DDAH1: variants seen among roughly 807,000 people sequenced by gnomAD.
DDAH1 encodes the protein dimethylarginine dimethylaminohydrolase 1, also known as N(G),N(G)-dimethylarginine dimethylaminohydrolase 1.
Under a neutral mutation model 28.8 loss-of-function variants are expected in DDAH1, and 19 were observed. That is an observed-to-expected ratio of 0.66 (90% CI 0.46 to 0.97). The LOEUF is 0.97. Among genes scored for constraint, DDAH1 ranks in the 50% least tolerant of loss-of-function variants. The probability of loss-of-function intolerance (pLI) is 0.00; values close to 1 mark genes in which losing one functional copy is unlikely to be tolerated. For missense variants in DDAH1, 326 were observed against 375.9 expected, an observed-to-expected ratio of 0.87 and a Z score of 1.10; for synonymous variants, 153 against 154.4, an observed-to-expected ratio of 0.99 and a Z score of 0.07.
chr1:85,458,424 C>CTTT (rs3058826), intron 1 of DDAH1, among the ~76,000 whole-genome samples: 7 of 101,770 alleles, frequency 6.9e-5, no homozygotes, highest in Middle Eastern at 5.3e-3. Context: ...TACACACACA[C>CTTT]TTTTTTTTTT....
chr1:85,490,170 T>C (rs984909414), intron 2 of DDAH1, among the ~76,000 whole-genome samples: 5 of 152,186 alleles, frequency 3.3e-5, no homozygotes, highest in African/African-American at 9.6e-5. Context: ...GGAATACCTC[T>C]AATTTTGAGA....
rs757019681 is a variant in DDAH1 at position 85,404,437 on chromosome 1, C to T, written c.304-45590G>A. 129 of 1,531,816 alleles carry T rather than the reference C, an allele frequency of 8.4e-5. No homozygotes were observed. In the Middle Eastern group the frequency reaches 2.2e-3, roughly 26 times the overall value. 94.9% of individuals were successfully genotyped at this position (1,531,816 alleles called of 1,614,324 possible). On this transcript the variant is annotated intron_variant, in intron 1 of 5. Coordinates refer to ENST00000284031, the MANE Select transcript of DDAH1 (RefSeq NM_012137.4). Reference sequence around the variant, plus strand: ...AACTGCTTTTGGGAAGCAGTTCCTCCGCAATCTTTTCAACAGATTCCCTGT... The same window carrying T: ...AACTGCTTTTGGGAAGCAGTTCCTCTGCAATCTTTTCAACAGATTCCCTGT...
chr1:85,337,096 CA>C (rs1648179220), intron 4 of DDAH1, among the ~76,000 whole-genome samples: 1 of 152,192 alleles, frequency 6.6e-6, no homozygotes, highest in Admixed American at 6.5e-5. Flanking sequence ...GAATGAAGGA[CA>C]AAAACCATAT....
intron 1 of DDAH1, among the ~76,000 whole-genome samples, chr1:85,359,699 A>T (rs1649682954): frequency 6.6e-6 from 1 of 152,246 alleles, no homozygotes. Flanking sequence ...ATGATTACCC[A>T]TCTTTTAAAA....
At chr1:85,341,468 T>C (rs1215497402) in intron 4 of DDAH1, among the ~76,000 whole-genome samples, 1 of 152,256 alleles carries the variant, frequency 6.6e-6, no homozygotes, top group Non-Finnish European at 1.5e-5. Context: ...AGTTGGAATC[T>C]TTCTGTGGTT....
At chr1:85,377,972 A>G (rs1347268885) in intron 1 of DDAH1, among the ~76,000 whole-genome samples, 1 of 152,206 alleles carries the variant, frequency 6.6e-6, no homozygotes, top group African/African-American at 2.4e-5. Flanking sequence ...TGTCATATGA[A>G]TAAAGTTTTC....
chr1:85,491,528 A>ACTGGAAAC (rs1433773401), intron 2 of DDAH1, among the ~76,000 whole-genome samples: 2 of 152,182 alleles, frequency 1.3e-5, no homozygotes, highest in African/African-American at 4.8e-5. Context: ...TGCAAAGAGA[A>ACTGGAAAC]CTGGAAACAT....
Position 85,567,574 on chromosome 1 carries a change from T to C in DDAH1, c.-123+10410A>G, listed in dbSNP as rs1659339456. On this transcript the variant is annotated intron_variant, in intron 1 of 6. Coordinates refer to the DDAH1 transcript ENST00000426972. Reference sequence around the variant, plus strand: ...CAATAAACTTCTTTCTTTTTTAAATTGCCCAGTCTCAGGTATGTCTTTATC... The same window carrying C: ...CAATAAACTTCTTTCTTTTTTAAATCGCCCAGTCTCAGGTATGTCTTTATC... Among the ~76,000 whole-genome samples, 4 of 152,194 alleles carry C rather than the reference T, an allele frequency of 2.6e-5. No individual in the cohort carries two copies. In the South Asian group the frequency reaches 8.3e-4, roughly 31 times the overall value.
chr1:85,420,843 T>C (rs1653109450), intron 1 of DDAH1, among the ~76,000 whole-genome samples: 1 of 152,224 alleles, frequency 6.6e-6, no homozygotes, highest in South Asian at 2.1e-4. Context: ...TGTTAGACCA[T>C]TCCCACATTG....
intron 2 of DDAH1, among the ~76,000 whole-genome samples, chr1:85,358,520 A>T (rs1478602846): frequency 6.6e-6 from 1 of 152,090 alleles, no homozygotes; most frequent in Non-Finnish European, 1.5e-5. Context: ...ATGGTGGCAC[A>T]CACCTGTAAT....
intron 1 of DDAH1, among the ~76,000 whole-genome samples, chr1:85,442,798 CAT>C (rs1483609499): frequency 2.6e-5 from 4 of 152,072 alleles, no homozygotes; most frequent in African/African-American, 4.8e-5. Flanking sequence ...AGCATTTTTT[CAT>C]ATGTCTGTTG....
intron 4 of DDAH1, among the ~76,000 whole-genome samples, chr1:85,347,175 C>A (rs564392741): frequency 2.7e-4 from 41 of 150,046 alleles, no homozygotes; most frequent in Non-Finnish European, 4.6e-4. Flanking sequence ...GTGGGACTGT[C>A]AACTAGTTCA....
intron 1 of DDAH1, among the ~76,000 whole-genome samples, chr1:85,496,495 C>T (rs1257025387): frequency 6.6e-6 from 1 of 152,218 alleles, no homozygotes; most frequent in Non-Finnish European, 1.5e-5. Flanking sequence ...GTTTACCCCT[C>T]AAGACCTACA....
At chr1:85,527,658 A>G (rs1657921831) in intron 1 of DDAH1, among the ~76,000 whole-genome samples, 1 of 152,342 alleles carries the variant, frequency 6.6e-6, no homozygotes, top group East Asian at 1.9e-4. Flanking sequence ...GGTAGGTACT[A>G]TATAAGTAGG....
intron 1 of DDAH1, among the ~76,000 whole-genome samples, chr1:85,527,909 G>A (rs1265206755): frequency 1.2e-4 from 19 of 152,082 alleles, no homozygotes; most frequent in Non-Finnish European, 8.8e-5. Flanking sequence ...CTGTATGCAT[G>A]TACGTATACA....
intron 4 of DDAH1, among the ~76,000 whole-genome samples, chr1:85,325,969 T>G (rs1012585950): frequency 1.3e-5 from 2 of 152,234 alleles, no homozygotes; most frequent in African/African-American, 4.8e-5. Context: ...ACCTTTATGG[T>G]CCCATTTACT....
chr1:85,343,639 C>A (rs927760557), intron 4 of DDAH1, among the ~76,000 whole-genome samples: 5 of 152,174 alleles, frequency 3.3e-5, no homozygotes, highest in Non-Finnish European at 7.3e-5. Flanking sequence ...CCTGTGACAA[C>A]AATAACTAAA....
At position 85,379,508 on chromosome 1, in the gene DDAH1, C is replaced by T. The variant is rs1398211977; in HGVS notation, c.304-20661G>A. On this transcript the variant is annotated intron_variant, in intron 1 of 5. Coordinates refer to ENST00000284031, the MANE Select transcript of DDAH1 (RefSeq NM_012137.4). ...TAAAATTCTAAATTAAAAATATTTCCAAAGGCAAATTTCAAAAAGCTTTTT... is the reference window on the plus strand; with the variant it reads ...TAAAATTCTAAATTAAAAATATTTCTAAAGGCAAATTTCAAAAAGCTTTTT... The T allele has an allele frequency of 3.6e-6, 3 of 834,686 alleles. No individual in the cohort carries two copies. In the East Asian group the frequency reaches 3.7e-4, roughly 103 times the overall value. The allele number at this position is 834,686 out of a possible 1,614,324, so 51.7% of individuals were successfully genotyped here. A position where few individuals can be genotyped will look rare whatever the true frequency, so the allele number is the denominator to read the frequency against.
intron 5 of DDAH1, among the ~76,000 whole-genome samples, chr1:85,322,465 C>T (rs1661390904): frequency 2.0e-5 from 3 of 152,298 alleles, no homozygotes; most frequent in Middle Eastern, 3.4e-3. Context: ...AACAGAATCA[C>T]TTGAAAGTGT....
Sources: gnomAD v4.1 joint callset for allele counts (sites outside exome capture counted in the v4.1 genomes callset) on GRCh38, gnomAD v4.1.1 for gene constraint, MANE v1.5 for transcripts, NCBI Gene and HGNC (gene_info 2026-07-23, HGNC 2026-07-21) for gene names.